Variants in NCOR2 observed in about 807,000 individuals in gnomAD.
NCOR2 encodes the protein nuclear receptor corepressor 2.
A neutral mutation model predicts 262.9 loss-of-function variants in NCOR2; 81 were observed. That is an observed-to-expected ratio of 0.31 (90% CI 0.26 to 0.37). The LOEUF (loss-of-function observed/expected upper bound fraction) is 0.37. Ranked by LOEUF, NCOR2 falls within the 10% of genes least tolerant of loss-of-function variation. The pLI is 1.00. For synonymous variants in NCOR2, 1,659 were observed against 1,559.3 expected, an observed-to-expected ratio of 1.06 and a Z score of -1.51; for missense variants, 3,385 against 3,621.4, an observed-to-expected ratio of 0.93 and a Z score of 1.68.
At position 124,348,257 on chromosome 12, in the gene NCOR2, G is replaced by C. The variant is rs561193208; in HGVS notation, c.3902C>G (p.Pro1301Arg). The C allele has an allele frequency of 2.5e-6, 4 of 1,613,212 alleles. No homozygotes were observed. The African/African-American group carries it at 4.0e-5, about 16-fold the overall frequency. Residue 1301 changes from proline to arginine, a missense_variant, in exon 29 of 47, where the codon CCC becomes CGC. Pro to Arg is a moderately radical substitution (Grantham distance 103). Transcript: ENST00000405201. ...GCGCTTGGGGGCGGCCGTCTCATGG[G>C]GGGGTCCTGAGCTGCTTCTGCCGTC...
Position 124,457,650 on chromosome 12 carries a change from T to C in NCOR2, c.706-488A>G, listed in dbSNP as rs866170591. ...GCGCTCGGAGATACCCTTTCTAGGA[T>C]TCTTGTGTTTCACAATCATGTGATT... On this transcript the variant is annotated intron_variant, in intron 5 of 46. Coordinates refer to ENST00000405201, the Ensembl canonical transcript of NCOR2. This position sits in a 1 kb window ranked among gnomAD's most constrained non-coding sequence, Gnocchi z 4.0. Among the ~76,000 whole-genome samples, 1 of 151,660 alleles carries C rather than the reference T, an allele frequency of 6.6e-6. No individual in the cohort carries two copies. Among genetic ancestry groups the C allele is most frequent in the South Asian group, 2.1e-4 (1 of 4,784 alleles).
At chr12:124,513,480 G>A (rs1011099922) in intron 1 of NCOR2, 4 of 152,264 alleles carry the variant, frequency 2.6e-5, no homozygotes, top group Non-Finnish European at 5.9e-5. Flanking sequence ...AGGGATAGTA[G>A]AGGGACTTTT....
At chr12:124,466,822 C>T (rs2046439838) in intron 4 of NCOR2, among the ~76,000 whole-genome samples, 1 of 152,054 alleles carries the variant, frequency 6.6e-6, no homozygotes, top group South Asian at 2.1e-4. Context: ...CCTCTCTAAG[C>T]CTTACCTTCC....
Position 124,414,436 on chromosome 12 carries a change from G to T in NCOR2, c.1482+5521C>A, listed in dbSNP as rs535672195. ...ATCGCCATCGCCACCATAGCGGCCA[G>T]CAGCACCCATCCCCATCACACAGCA... is the stretch of plus-strand genomic sequence containing the variant. On this transcript the variant is annotated intron_variant, in intron 13 of 46. Transcript: ENST00000405201. Among the ~76,000 whole-genome samples the T allele has an allele frequency of 3.2e-4, 49 of 152,328 alleles. No individual in the cohort carries two copies. The South Asian group carries it at 3.9e-3, about 12-fold the overall frequency.
intron 45 of NCOR2, among the ~76,000 whole-genome samples, chr12:124,326,771 C>T (rs1270567290): frequency 2.0e-5 from 3 of 152,276 alleles, no homozygotes; most frequent in Admixed American, 1.3e-4. Context: ...AAGTCAGGAC[C>T]CCTGAGGCCA....
chr12:124,374,130 A>G (rs1290680107), intron 19 of NCOR2, among the ~76,000 whole-genome samples: 1 of 152,170 alleles, frequency 6.6e-6, no homozygotes, highest in Non-Finnish European at 1.5e-5. Context: ...AAACCCCTGC[A>G]TTTGCTATCA....
At chr12:124,488,164 T>G (rs1437472087) in intron 1 of NCOR2, among the ~76,000 whole-genome samples, 1 of 152,196 alleles carries the variant, frequency 6.6e-6, no homozygotes, top group Non-Finnish European at 1.5e-5. Context: ...GCAAAGAGAA[T>G]CAGAGACAAT....
chr12:124,395,484 C>G (rs1346285811), intron 16 of NCOR2, among the ~76,000 whole-genome samples: 3 of 152,242 alleles, frequency 2.0e-5, no homozygotes, highest in African/African-American at 7.2e-5. Flanking sequence ...TCCGCGTGCA[C>G]GGCCCCCAGG....
Position 124,457,062 on chromosome 12 carries a change from A to ACCC in NCOR2, c.762+41_762+43dup. ...CGCCTCCCTGCCCACCTCTCCAGCC[A>ACCC]CCCCCGCCCTCCCCTGAGCCCCTGA... On this transcript the variant is annotated intron_variant, in intron 6 of 46. Coordinates refer to ENST00000405201, the Ensembl canonical transcript of NCOR2. This position sits in a 1 kb window ranked among gnomAD's most constrained non-coding sequence, Gnocchi z 4.0. 1 of 351,062 alleles carries ACCC rather than the reference A, an allele frequency of 2.8e-6. No homozygotes were observed. Among genetic ancestry groups the ACCC allele is most frequent in the Non-Finnish European group, 4.8e-6 (1 of 210,316 alleles). The allele number at this position is 351,062 out of a possible 1,614,324, so 21.7% of individuals were successfully genotyped here. A position where few individuals can be genotyped will look rare whatever the true frequency, so the allele number is the denominator to read the frequency against.
chr12:124,441,175 C>T lies in NCOR2; in HGVS notation c.816-3179G>A, dbSNP rs12580955. On this transcript the variant is annotated intron_variant, in intron 7 of 46. Transcript: ENST00000405201. ...GACCATCCTCCAATCCCAGAAACCG[C>T]GCTGCCCGGGCCATGGCTGATTCCA... Among the ~76,000 whole-genome samples, 717 of 152,300 alleles carry T rather than the reference C, an allele frequency of 4.7e-3. 23 individuals carry two copies. The East Asian group carries it at 0.081, about 17-fold the overall frequency.
At chr12:124,484,752 G>A (rs768184375) in intron 2 of NCOR2, among the ~76,000 whole-genome samples, 3 of 152,168 alleles carry the variant, frequency 2.0e-5, no homozygotes, top group Non-Finnish European at 4.4e-5. Context: ...CCGCCTGTCT[G>A]CTCTCTCTCC....
At chr12:124,414,061 C>T (rs1053122796) in intron 13 of NCOR2, among the ~76,000 whole-genome samples, 1 of 152,134 alleles carries the variant, frequency 6.6e-6, no homozygotes, top group East Asian at 1.9e-4. Context: ...GCCCCTCTGC[C>T]GCCTGCCCTC....
intron 2 of NCOR2, 33 bp downstream of exon 4, chr12:124,486,408 C>A (rs1235130708): frequency 6.2e-7 from 1 of 1,610,272 alleles, no homozygotes; most frequent in Non-Finnish European, 8.5e-7. Context: ...AGCTCTCACG[C>A]CCTGGACAGG....
rs200853456 is a variant in NCOR2 at position 124,503,585 on chromosome 12, T to C, written c.-117-8217A>G. On this transcript the variant is annotated intron_variant, in intron 1 of 46. Coordinates refer to the NCOR2 transcript ENST00000404621. This position sits in a 1 kb window ranked among gnomAD's most constrained non-coding sequence, Gnocchi z 4.3. The stretch of plus-strand genomic sequence containing the variant: ...GATGGATAGATGGAAGACGGACGGA[T>C]GGACGGATGGATGGATGGACGGACG... 2.9e-5 allele frequency among the ~76,000 whole-genome samples: 4 copies of C among 139,178 alleles called. No homozygotes were observed. The highest frequency in any genetic ancestry group is 6.1e-5 in the Non-Finnish European group (4 of 65,886). The allele number at this position is 139,178 out of a possible 152,430, so 91.3% of individuals were successfully genotyped here.
At chr12:124,451,549 C>G (rs1057497011) in intron 6 of NCOR2, among the ~76,000 whole-genome samples, 6 of 148,788 alleles carry the variant, frequency 4.0e-5, no homozygotes, top group East Asian at 4.0e-4. Context: ...GCCTGAGTCT[C>G]TGTGTGTGTG....
intron 27 of NCOR2, among the ~76,000 whole-genome samples, chr12:124,352,448 C>A (rs1268238773): frequency 1.3e-5 from 2 of 151,860 alleles, no homozygotes; most frequent in Non-Finnish European, 2.9e-5. Flanking sequence ...TCATAGTTCA[C>A]TGCAGCCTCA....
intron 1 of NCOR2, among the ~76,000 whole-genome samples, chr12:124,556,866 AT>A (rs946452356): frequency 6.7e-6 from 1 of 148,376 alleles, no homozygotes; most frequent in Non-Finnish European, 1.5e-5. Flanking sequence ...AAAAAAAAAA[AT>A]CCGAGAAAAA....
intron 1 of NCOR2, among the ~76,000 whole-genome samples, chr12:124,544,989 G>GC (rs1055930170): frequency 6.6e-6 from 1 of 152,158 alleles, no homozygotes; most frequent in Admixed American, 6.5e-5. Context: ...AAGGTGCCTT[G>GC]CTTCTCGGAA....
chr12:124,532,075 C>T (rs377422799), intron 1 of NCOR2, among the ~76,000 whole-genome samples: 100 of 152,264 alleles, frequency 6.6e-4, no homozygotes, highest in Middle Eastern at 3.4e-3. Flanking sequence ...CCTCCCTGTA[C>T]CTCAGTTTCC....
Sources: allele counts gnomAD v4.1 joint callset (sites outside exome capture counted in the v4.1 genomes callset), GRCh38; gene constraint gnomAD v4.1.1; non-coding constraint Gnocchi (gnomAD v3.1); transcripts MANE v1.5; gene names NCBI Gene and HGNC (gene_info 2026-07-23, HGNC 2026-07-21).